SERPING1: variants seen among roughly 807,000 people sequenced by gnomAD.
The protein encoded by SERPING1 is plasma protease C1 inhibitor.
A neutral mutation model predicts 34.1 loss-of-function variants in SERPING1; 5 were observed. The observed-to-expected ratio is 0.15, with a 90% CI of 0.08 to 0.31. The LOEUF (loss-of-function observed/expected upper bound fraction) is 0.31, where lower values mean the gene tolerates loss of function less well. Ranked by LOEUF, SERPING1 falls within the 10% of genes least tolerant of loss-of-function variation. The pLI is 1.00. For synonymous variants in SERPING1, 225 were observed against 242.4 expected, an observed-to-expected ratio of 0.93 and a Z score of 0.67; for missense variants, 505 against 609.5, an observed-to-expected ratio of 0.83 and a Z score of 1.81.
At chr11:57,610,662 C>T (rs1945467531) in intron 6 of SERPING1, among the ~76,000 whole-genome samples, 1 of 152,202 alleles carries the variant, frequency 6.6e-6, no homozygotes, top group African/African-American at 2.4e-5. Flanking sequence ...GGTTTCTCAG[C>T]CTTGGCACTA....
At chr11:57,607,928 G>A (rs1945429431) in intron 6 of SERPING1, among the ~76,000 whole-genome samples, 1 of 152,180 alleles carries the variant, frequency 6.6e-6, no homozygotes, top group Admixed American at 6.6e-5. Flanking sequence ...CAAAGGGCTG[G>A]GATTACAGGC....
Position 57,611,810 on chromosome 11 carries a change from A to G in SERPING1, c.1123A>G (p.Ser375Gly), listed in dbSNP as rs1388922139. The change falls in exon 7 of 8, where the codon AGC becomes GGC. Residue 375 changes from serine to glycine, a missense_variant. By Grantham distance (56) the Ser-to-Gly change is moderately conservative. Transcript: ENST00000278407. ...TCTTGAAGACATGGAACAGGCTCTCAGCCCTTCTGTTTTCAAGGCCATCAT... is the reference window on the plus strand; with the variant it reads ...TCTTGAAGACATGGAACAGGCTCTCGGCCCTTCTGTTTTCAAGGCCATCAT... The part of the protein sequence containing the change: ...HRLEDMEQAL[S>G]PSVFKAIMEK... 2 of 1,614,236 alleles carry G rather than the reference A, an allele frequency of 1.2e-6. No homozygotes were observed. The highest frequency in any genetic ancestry group is 1.7e-6 in the Non-Finnish European group (2 of 1,180,034).
chr11:57,612,014 T>G, intron 7 of SERPING1, 78 bp downstream of exon 7: 1 of 1,222,842 alleles, frequency 8.2e-7, no homozygotes, highest in Non-Finnish European at 1.2e-6. Flanking sequence ...GTTAGCATTC[T>G]CTAGAGTATT....
Position 57,599,998 on chromosome 11 carries a change from A to G in SERPING1, c.171A>G (p.Glu57=), listed in dbSNP as rs191743641. The G allele has an allele frequency of 8.7e-6, 14 of 1,614,136 alleles. No homozygotes were observed. The Middle Eastern group carries it at 4.9e-4, about 57-fold the overall frequency. ...TTVISKMLFV[E]PILEVSSLPT... ...TTATCTCCAAGATGCTATTCGTTGAACCCATCCTGGAGGTTTCCAGCTTGC... is the reference window on the plus strand; with the variant it reads ...TTATCTCCAAGATGCTATTCGTTGAGCCCATCCTGGAGGTTTCCAGCTTGC... Residue 57 remains glutamate, a synonymous_variant, in exon 3 of 8, where the codon GAA becomes GAG. Transcript: ENST00000278407.
At chr11:57,598,441 T>G in intron 2 of SERPING1, 120 bp downstream of exon 2, 2 of 965,922 alleles carry the variant, frequency 2.1e-6, no homozygotes, top group Non-Finnish European at 3.1e-6. Context: ...GAGCTCCTCT[T>G]GGGATCATTG....
chr11:57,605,597 T>TTTC (rs1945400098), intron 4 of SERPING1: 1 of 196,110 alleles, frequency 5.1e-6, no homozygotes, highest in Non-Finnish European at 1.1e-5. Context: ...TTTTTTTTTT[T>TTTC]TTCAGTGGAC....
chr11:57,612,065 G>A, intron 7 of SERPING1, 129 bp downstream of exon 7: 1 of 802,360 alleles, frequency 1.2e-6, no homozygotes, highest in Non-Finnish European at 2.1e-6. Context: ...AACCCTGCAA[G>A]TTAGAGGGGT....
At chr11:57,614,302 T>A in intron 7 of SERPING1, 26 bp from the exon 8 acceptor site, 1 of 1,612,072 alleles carries the variant, frequency 6.2e-7, no homozygotes, top group Non-Finnish European at 8.5e-7. Flanking sequence ...GGCTTCTGAC[T>A]CTGTTTTTCT....
At chr11:57,598,042 G>C (rs1465137386) in intron 1 of SERPING1, 5 of 567,476 alleles carry the variant, frequency 8.8e-6, no homozygotes, top group Non-Finnish European at 1.6e-5. Context: ...GGGAGAGGAA[G>C]GGCCAGCCGG....
At chr11:57,599,116 CG>C (rs765179866) in intron 2 of SERPING1, among the ~76,000 whole-genome samples, 2 of 152,048 alleles carry the variant, frequency 1.3e-5, no homozygotes, top group Non-Finnish European at 2.9e-5. Context: ...GGAGCTAATG[CG>C]TGGTTTCTCA....
intron 7 of SERPING1, among the ~76,000 whole-genome samples, chr11:57,612,385 C>T (rs934514428): frequency 4.0e-5 from 6 of 151,542 alleles, no homozygotes; most frequent in Non-Finnish European, 8.8e-5. Flanking sequence ...TTACGAGAGG[C>T]AACAGAGACT....
intron 6 of SERPING1, among the ~76,000 whole-genome samples, chr11:57,608,326 A>T (rs1945435184): frequency 6.6e-6 from 1 of 152,248 alleles, no homozygotes; most frequent in South Asian, 2.1e-4. Context: ...AAAGTTTCAC[A>T]CAAAACTCTA....
At position 57,611,868 on chromosome 11, in the gene SERPING1, C is replaced by T. The variant is rs1263290746; in HGVS notation, c.1181C>T (p.Thr394Ile). 1.9e-6 allele frequency: 3 copies of T among 1,614,178 alleles called. No individual in the cohort carries two copies. The highest frequency in any genetic ancestry group is 1.7e-5 in the Admixed American group (1 of 60,014). ...EKLEMSKFQP[T>I]LLTLPRIKVT... Reference sequence around the variant, plus strand: ...CTGGAGATGTCCAAGTTCCAGCCCACTCTCCTAACACTACCCCGCATCAAA... The same window carrying T: ...CTGGAGATGTCCAAGTTCCAGCCCATTCTCCTAACACTACCCCGCATCAAA... The change falls in exon 7 of 8, where the codon ACT becomes ATT. Residue 394 changes from threonine (T) to isoleucine (I), a missense_variant. Transcript: ENST00000278407.
At chr11:57,608,588 C>G (rs1945439232) in intron 6 of SERPING1, among the ~76,000 whole-genome samples, 1 of 152,192 alleles carries the variant, frequency 6.6e-6, no homozygotes, top group Non-Finnish European at 1.5e-5. Flanking sequence ...TCCCAGCTCT[C>G]TGTAACCTCT....
At chr11:57,605,432 G>C (rs1341679397) in intron 4 of SERPING1, among the ~76,000 whole-genome samples, 9 of 151,920 alleles carry the variant, frequency 5.9e-5, no homozygotes, top group Admixed American at 5.9e-4. Context: ...CCGAATAGCT[G>C]GGATTACAGG....
Position 57,611,877 on chromosome 11 carries a change from C to T in SERPING1, c.1190C>T (p.Thr397Ile), listed in dbSNP as rs776728490. 5 of 1,614,212 alleles carry T rather than the reference C, an allele frequency of 3.1e-6. No homozygotes were observed. The East Asian group carries it at 8.9e-5, about 29-fold the overall frequency. ...EMSKFQPTLL[T>I]LPRIKVTTSQ... is the part of the protein sequence containing the mutation. ...TCCAAGTTCCAGCCCACTCTCCTAA[C>T]ACTACCCCGCATCAAAGTGACGACC... Residue 397 changes from threonine to isoleucine, a missense_variant, in exon 7 of 8, where the codon ACA (threonine) becomes ATA (isoleucine). Coordinates refer to ENST00000278407, the MANE Select transcript of SERPING1 (RefSeq NM_000062.3).
intron 3 of SERPING1, among the ~76,000 whole-genome samples, chr11:57,601,192 A>G (rs193139515): frequency 1.3e-5 from 2 of 152,098 alleles, no homozygotes; most frequent in Admixed American, 1.3e-4. Context: ...CGAGGTCAGG[A>G]GTTCGAGACC....
rs1183715176 is a variant in SERPING1 at position 57,614,786 on chromosome 11, T to C, written c.*205T>C. The stretch of plus-strand genomic sequence containing the variant: ...GGCCCTGCCATGCTCTCCAAACCAC[T>C]TTTTGCAGCTTTCTCTAGTTCAAGT... On this transcript the variant is annotated 3_prime_UTR_variant, in exon 8 of 8. Transcript: ENST00000278407. 1.7e-6 allele frequency: 1 copy of C among 573,274 alleles called. No homozygotes were observed. The highest frequency in any genetic ancestry group is 3.1e-6 in the Non-Finnish European group (1 of 326,080). The allele number at this position is 573,274 out of a possible 1,614,324, so 35.5% of individuals were successfully genotyped here. A position where few individuals can be genotyped will look rare whatever the true frequency, so the allele number is the denominator to read the frequency against.
At chr11:57,598,177 G>A in intron 1 of SERPING1, 72 bp from the exon 2 acceptor site, 1 of 1,199,762 alleles carries the variant, frequency 8.3e-7, no homozygotes, top group Non-Finnish European at 1.2e-6. Context: ...GAATGGGGGC[G>A]GGCCCCGGGC....
Sources: gnomAD v4.1 joint callset for allele counts (sites outside exome capture counted in the v4.1 genomes callset) on GRCh38, gnomAD v4.1.1 for gene constraint, MANE v1.5 for transcripts, NCBI Gene and HGNC (gene_info 2026-07-23, HGNC 2026-07-21) for gene names.